The following NBAS variants were observed in gnomAD, a reference collection of about 807,000 sequenced individuals.
The protein encoded by NBAS is NBAS subunit of NRZ tethering complex.
In NBAS, 219 loss-of-function variants were observed where a neutral mutation model predicts 302.5. The observed-to-expected ratio is 0.72, with a 90% CI of 0.65 to 0.81. The LOEUF is 0.81. Among genes scored for constraint, NBAS ranks in the 30% least tolerant of loss-of-function variants. NBAS has a pLI of 0.00. For synonymous variants in NBAS, 1,118 were observed against 1,021.6 expected (o/e 1.09, Z -1.80); for missense variants, 2,932 against 2,841.6 (o/e 1.03, Z -0.72).
chr2:14,930,760 T>C, the NBAS span, among the ~76,000 whole-genome samples: 1 of 152,194 alleles, frequency 6.6e-6, no homozygotes, highest in Non-Finnish European at 1.5e-5. Flanking sequence ...TAAAGGACAA[T>C]GGATTTTATG....
intron 48 of NBAS, among the ~76,000 whole-genome samples, chr2:15,213,083 T>C (rs1217977020): frequency 6.6e-6 from 1 of 152,218 alleles, no homozygotes; most frequent in African/African-American, 2.4e-5. Flanking sequence ...CTTACAACAA[T>C]TGTATTGTGT....
chr2:14,797,695 T>A, the NBAS span, among the ~76,000 whole-genome samples: 75 of 152,218 alleles, frequency 4.9e-4, 1 homozygote, highest in African/African-American at 1.7e-3. Context: ...CACCTCAGGC[T>A]GAGCGTGAAG....
the NBAS span, among the ~76,000 whole-genome samples, chr2:14,819,397 C>T: frequency 1.3e-5 from 2 of 152,306 alleles, no homozygotes; most frequent in East Asian, 3.9e-4. Flanking sequence ...TCTAGGATTT[C>T]CAGTTGACTC....
the NBAS span, among the ~76,000 whole-genome samples, chr2:15,141,712 T>C: frequency 6.6e-6 from 1 of 152,206 alleles, no homozygotes; most frequent in African/African-American, 2.4e-5. Context: ...TTTTTGTTTT[T>C]ACCGTAGGGG....
At chr2:15,056,347 G>A in the NBAS span, among the ~76,000 whole-genome samples, 1 of 152,196 alleles carries the variant, frequency 6.6e-6, no homozygotes, top group Admixed American at 6.5e-5. Context: ...ATTCTCTAAA[G>A]TATTTGGGTA....
chr2:15,404,805 G>A (rs780009481), intron 25 of NBAS, among the ~76,000 whole-genome samples: 17 of 152,094 alleles, frequency 1.1e-4, no homozygotes, highest in South Asian at 2.1e-4. Flanking sequence ...GAGCCACTGC[G>A]CCCGGCCCTA....
the NBAS span, among the ~76,000 whole-genome samples, chr2:15,141,262 A>G: frequency 6.6e-6 from 1 of 151,790 alleles, no homozygotes; most frequent in Non-Finnish European, 1.5e-5. Flanking sequence ...GACTATGGTG[A>G]GATTTCCTCT....
intron 44 of NBAS, among the ~76,000 whole-genome samples, chr2:15,256,725 G>A (rs1288334365): frequency 1.3e-5 from 2 of 152,152 alleles, no homozygotes; most frequent in African/African-American, 4.8e-5. Context: ...CTTGAGGTAT[G>A]TCCCTTATAT....
At chr2:14,849,687 C>T in the NBAS span, among the ~76,000 whole-genome samples, 3 of 140,556 alleles carry the variant, frequency 2.1e-5, no homozygotes, top group South Asian at 4.3e-4. Flanking sequence ...AGAGAAAGGT[C>T]GGGTTACCCT....
the NBAS span, among the ~76,000 whole-genome samples, chr2:15,080,723 G>A: frequency 1.3e-5 from 2 of 152,324 alleles, no homozygotes; most frequent in South Asian, 2.1e-4. Context: ...GGGGTGGCTG[G>A]AAGCTTGGGC....
the NBAS span, among the ~76,000 whole-genome samples, chr2:14,865,018 TTTA>T: frequency 1.4e-3 from 216 of 152,296 alleles, no homozygotes; most frequent in African/African-American, 4.4e-3. Context: ...AGCTTTTGTC[TTTA>T]TTATTAGCTG....
intron 42 of NBAS, among the ~76,000 whole-genome samples, chr2:15,280,135 T>G: frequency 6.6e-6 from 1 of 152,190 alleles, no homozygotes; most frequent in East Asian, 1.9e-4. Context: ...AATAAATTAT[T>G]CATACTAATC....
the NBAS span, among the ~76,000 whole-genome samples, chr2:14,887,435 C>T: frequency 2.1e-5 from 3 of 146,092 alleles, no homozygotes; most frequent in African/African-American, 5.3e-5. Context: ...TCTAGAATGT[C>T]CTTTGCTTCT....
intron 47 of NBAS, among the ~76,000 whole-genome samples, chr2:15,225,827 G>A (rs950644975): frequency 5.9e-5 from 9 of 152,226 alleles, no homozygotes; most frequent in South Asian, 2.1e-4. Flanking sequence ...CACGCTTGTG[G>A]GACATTCCTG....
the NBAS span, among the ~76,000 whole-genome samples, chr2:14,991,431 G>A: frequency 3.9e-5 from 6 of 152,086 alleles, no homozygotes; most frequent in Non-Finnish European, 8.8e-5. Flanking sequence ...AGAAACATAA[G>A]GTACCATTGA....
chr2:15,067,383 AGG>A, the NBAS span, among the ~76,000 whole-genome samples: 37,130 of 60,674 alleles, frequency 0.61, 13,282 homozygotes, highest in East Asian at 0.74. Flanking sequence ...AGGAGAGGAG[AGG>A]AGGGGAGGGG....
chr2:15,287,676 G>A (rs1162264679), intron 41 of NBAS, among the ~76,000 whole-genome samples: 5 of 151,674 alleles, frequency 3.3e-5, no homozygotes, highest in South Asian at 2.1e-4. Context: ...AGGCAGTCCC[G>A]TGGAGGCATC....
At chr2:15,170,708 CATAG>C (rs1161728993) in intron 51 of NBAS, among the ~76,000 whole-genome samples, 1 of 152,126 alleles carries the variant, frequency 6.6e-6, no homozygotes, top group Non-Finnish European at 1.5e-5. Context: ...GAAAATACTG[CATAG>C]ATAATTTTTC....
At chr2:14,884,639 C>T in the NBAS span, among the ~76,000 whole-genome samples, 1 of 152,174 alleles carries the variant, frequency 6.6e-6, no homozygotes, top group African/African-American at 2.4e-5. Flanking sequence ...TAATCTAGCA[C>T]TGAGAATACT....
Sources: gnomAD v4.1 joint callset for allele counts (sites outside exome capture counted in the v4.1 genomes callset) on GRCh38, gnomAD v4.1.1 for gene constraint, MANE v1.5 for transcripts, NCBI Gene and HGNC (gene_info 2026-07-23, HGNC 2026-07-21) for gene names.